Variants in SCD observed in about 807,000 individuals in gnomAD.
SCD encodes stearoyl-CoA desaturase, also known as acyl-CoA desaturase.
Under a neutral mutation model 35.7 loss-of-function variants are expected in SCD, and 4 were observed. The observed-to-expected ratio is 0.11, with a 90% CI of 0.06 to 0.26. The LOEUF (loss-of-function observed/expected upper bound fraction) is 0.26. Among genes scored for constraint, SCD ranks in the 10% least tolerant of loss-of-function variants. The pLI is 1.00. For missense variants in SCD, 282 were observed against 460.7 expected, an observed-to-expected ratio of 0.61 and a Z score of 3.55; for synonymous variants, 150 against 170.2, an observed-to-expected ratio of 0.88 and a Z score of 0.92.
At chr10:100,347,616 G>C in intron 1 of SCD, 85 bp downstream of exon 1, 1 of 1,478,890 alleles carries the variant, frequency 6.8e-7, no homozygotes, top group South Asian at 1.2e-5. Context: ...AGAAGAGAGG[G>C]GAGAGCTCCG....
chr10:100,357,304 C>A (rs1378299981), intron 5 of SCD, among the ~76,000 whole-genome samples: 1 of 152,212 alleles, frequency 6.6e-6, no homozygotes, highest in Non-Finnish European at 1.5e-5. Flanking sequence ...TCTGAGTGGC[C>A]AGTAAGCCTG....
In SCD at chr10:100,354,411, TTC is replaced by T. The variant is rs761102158; in HGVS notation, c.442-7_442-6del. 6.2e-6 allele frequency: 10 copies of T among 1,609,934 alleles called. No individual in the cohort carries two copies. The highest frequency in any genetic ancestry group is 2.7e-5 in the African/African-American group (2 of 74,870). The stretch of plus-strand genomic sequence containing the variant: ...TCTATCCTCAAGCCTTACATTCCTC[TTC>T]TCTCTCTCCCCAGAATGATGTCTAT... On this transcript the variant is annotated splice_polypyrimidine_tract_variant and intron_variant, in intron 3 of 5. Transcript: ENST00000370355.
chr10:100,350,589 C>T (rs924554925), intron 2 of SCD, among the ~76,000 whole-genome samples: 1 of 152,104 alleles, frequency 6.6e-6, no homozygotes, highest in Non-Finnish European at 1.5e-5. Flanking sequence ...AATAAATCTC[C>T]AACTGATTTA....
rs1250908256 is a variant in SCD at position 100,363,800 on chromosome 10, G to C, written c.*2867G>C. On this transcript the variant is annotated 3_prime_UTR_variant, in exon 6 of 6. Coordinates refer to ENST00000370355, the MANE Select transcript of SCD (RefSeq NM_005063.5). ...AAGTGACACATTAATGATAAACTCA[G>C]ATCTGATCAAGAGTCCGGATTTCTA... 6.6e-6 allele frequency: 1 copy of C among 152,582 alleles called. No homozygotes were observed. 9.5% of individuals were successfully genotyped at this position (152,582 alleles called of 1,614,324 possible).
intron 1 of SCD, among the ~76,000 whole-genome samples, 195 bp from the exon 2 acceptor site, chr10:100,347,869 C>T (rs557936832): frequency 6.6e-6 from 1 of 152,214 alleles, no homozygotes; most frequent in East Asian, 1.9e-4. Context: ...CCTCGCCCTC[C>T]GCCCCTAATG....
At chr10:100,349,812 C>A (rs1248593603) in intron 2 of SCD, among the ~76,000 whole-genome samples, 1 of 152,118 alleles carries the variant, frequency 6.6e-6, no homozygotes, top group Non-Finnish European at 1.5e-5. Context: ...CTCTGAGGAT[C>A]CAGCAGAACT....
intron 5 of SCD, among the ~76,000 whole-genome samples, chr10:100,357,085 G>A (rs1472403341): frequency 2.6e-5 from 4 of 152,170 alleles, no homozygotes; most frequent in Non-Finnish European, 4.4e-5. Flanking sequence ...AGGCTGAGGC[G>A]GGCAGGTCAC....
rs1233873267 is a variant in SCD, at chr10:100,361,680, GC to G, written c.*749del. On this transcript the variant is annotated 3_prime_UTR_variant, in exon 6 of 6. Coordinates refer to ENST00000370355, the MANE Select transcript of SCD (RefSeq NM_005063.5). Reference sequence around the variant, plus strand: ...TTCAATGCCGCAACATATAGTTGAGGCCGAGGATAAAGAAAAGACATTTTAA... The same window carrying G: ...TTCAATGCCGCAACATATAGTTGAGGCGAGGATAAAGAAAAGACATTTTAA... The G allele has an allele frequency of 6.6e-6, 1 of 152,228 alleles. No homozygotes were observed. The highest frequency in any genetic ancestry group is 2.4e-5 in the African/African-American group (1 of 41,454). The allele number at this position is 152,228 out of a possible 1,614,324, so 9.4% of individuals were successfully genotyped here.
Position 100,347,383 on chromosome 10 carries a change from G to T in SCD, c.-122G>T. ...CGGCTAGCGCCGACAACCAGCTAGCGTGCAAGGCGCCGCGGCTCAGCGCGT... is the reference window on the plus strand; with the variant it reads ...CGGCTAGCGCCGACAACCAGCTAGCTTGCAAGGCGCCGCGGCTCAGCGCGT... On this transcript the variant is annotated 5_prime_UTR_variant, in exon 1 of 6. Coordinates refer to ENST00000370355, the MANE Select transcript of SCD (RefSeq NM_005063.5). 9.0e-7 allele frequency: 1 copy of T among 1,115,038 alleles called. No individual in the cohort carries two copies. Among genetic ancestry groups the T allele is most frequent in the Non-Finnish European group, 1.3e-6 (1 of 747,058 alleles). The allele number at this position is 1,115,038 out of a possible 1,614,324, so 69.1% of individuals were successfully genotyped here. A position where few individuals can be genotyped will look rare whatever the true frequency, so the allele number is the denominator to read the frequency against.
chr10:100,351,703 C>G (rs965083452), intron 2 of SCD, among the ~76,000 whole-genome samples: 6 of 152,050 alleles, frequency 3.9e-5, no homozygotes, highest in Non-Finnish European at 5.9e-5. Flanking sequence ...TGCAGTGGCG[C>G]GATCTTGGCT....
Position 100,348,089 on chromosome 10 carries a change from C to A in SCD, c.53C>A (p.Thr18Asn). Residue 18 changes from threonine to asparagine, a missense_variant, in exon 2 of 6, where the codon ACC becomes AAC. Coordinates refer to ENST00000370355, the MANE Select transcript of SCD (RefSeq NM_005063.5). ...DDISSSYTTT[T>N]TITAPPSRVL... is the part of the protein sequence containing the mutation. ...ATCTCTAGCTCCTATACCACCACCA[C>A]CACCATTACAGCGCCTCCCTCCAGG... The A allele has an allele frequency of 1.2e-6, 2 of 1,613,722 alleles. No homozygotes were observed. Among genetic ancestry groups the A allele is most frequent in the Non-Finnish European group, 1.7e-6 (2 of 1,179,826 alleles).
chr10:100,352,289 CAG>C lies in SCD; in HGVS notation c.311-72_311-71del. Reference sequence around the variant, plus strand: ...CCTGACGAAGACAGTTTCTAGCATCCAGAGAGTGTCTCTGGCATCCTTTCCCA... The same window carrying C: ...CCTGACGAAGACAGTTTCTAGCATCCAGAGTGTCTCTGGCATCCTTTCCCA... On this transcript the variant is annotated intron_variant, in intron 2 of 5. Coordinates refer to ENST00000370355, the MANE Select transcript of SCD (RefSeq NM_005063.5). The surrounding 1 kb of genome is among the most constrained non-coding windows in gnomAD (Gnocchi z 4.2). 6.8e-7 allele frequency: 1 copy of C among 1,477,024 alleles called. No individual in the cohort carries two copies. Among genetic ancestry groups the C allele is most frequent in the Non-Finnish European group, 9.3e-7 (1 of 1,074,754 alleles). 91.5% of individuals were successfully genotyped at this position (1,477,024 alleles called of 1,614,324 possible).
chr10:100,358,916 T>G (rs1165033327), intron 5 of SCD, among the ~76,000 whole-genome samples: 1 of 152,062 alleles, frequency 6.6e-6, no homozygotes, highest in Non-Finnish European at 1.5e-5. Context: ...TGACAGAGAC[T>G]CCATCTCAAA....
intron 5 of SCD, among the ~76,000 whole-genome samples, chr10:100,358,784 C>T (rs1849958685): frequency 2.0e-5 from 3 of 150,014 alleles, no homozygotes; most frequent in East Asian, 2.0e-4. Context: ...AAAACTTAGC[C>T]AGGCATGGTG....
chr10:100,351,479 G>A (rs1471081860), intron 2 of SCD, among the ~76,000 whole-genome samples: 9 of 152,128 alleles, frequency 5.9e-5, no homozygotes, highest in African/African-American at 2.2e-4. Flanking sequence ...TGTACAAATT[G>A]GATTTATGCA....
At position 100,352,682 on chromosome 10, in the gene SCD, G is replaced by A. The variant is rs537465772; in HGVS notation, c.441+186G>A. Among the ~76,000 whole-genome samples, 6 of 152,298 alleles carry A rather than the reference G, an allele frequency of 3.9e-5. No individual in the cohort carries two copies. The East Asian group carries it at 1.2e-3, about 29-fold the overall frequency. ...AAGCATGAAGAGACTTCTGAGTCTT[G>A]GAAAAGGGAACTGGAAGATAATTGG... On this transcript the variant is annotated intron_variant, in intron 3 of 5. Coordinates refer to ENST00000370355, the MANE Select transcript of SCD (RefSeq NM_005063.5). The surrounding 1 kb of genome is among the most constrained non-coding windows in gnomAD (Gnocchi z 4.2).
chr10:100,349,651 T>C (rs1289060799), intron 2 of SCD, among the ~76,000 whole-genome samples: 1 of 152,154 alleles, frequency 6.6e-6, no homozygotes, highest in African/African-American at 2.4e-5. Flanking sequence ...TGGGCAACAG[T>C]ACTTTTTTAG....
At chr10:100,358,234 C>T (rs1849949420) in intron 5 of SCD, among the ~76,000 whole-genome samples, 3 of 152,044 alleles carry the variant, frequency 2.0e-5, no homozygotes, top group Admixed American at 2.0e-4. Context: ...CTCCTGAGCT[C>T]AAGTGATCTT....
In SCD at chr10:100,352,346, C is replaced by G. The variant is rs200048906; in HGVS notation, c.311-20C>G. The G allele has an allele frequency of 6.2e-7, 1 of 1,611,590 alleles. No individual in the cohort carries two copies. The highest frequency in any genetic ancestry group is 1.3e-5 in the African/African-American group (1 of 74,978). ...GAACTCACACTGATTGGTGACTCCC[C>G]CACTGTCTTCTCCTGGCAGGGGTAT... On this transcript the variant is annotated intron_variant, in intron 2 of 5. Coordinates refer to ENST00000370355, the MANE Select transcript of SCD (RefSeq NM_005063.5). This position sits in a 1 kb window ranked among gnomAD's most constrained non-coding sequence, Gnocchi z 4.2.
Sources: gnomAD v4.1 joint callset for allele counts (sites outside exome capture counted in the v4.1 genomes callset) on GRCh38, gnomAD v4.1.1 for gene constraint, Gnocchi (gnomAD v3.1) non-coding constraint, MANE v1.5 for transcripts, NCBI Gene and HGNC (gene_info 2026-07-23, HGNC 2026-07-21) for gene names.